Variants in RBMS1 observed in about 807,000 individuals in gnomAD.
RBMS1 encodes RNA binding motif single stranded interacting protein 1.
A neutral mutation model predicts 62.3 loss-of-function variants in RBMS1; 17 were observed. The observed-to-expected ratio is 0.27, with a 90% CI of 0.19 to 0.41. The LOEUF (loss-of-function observed/expected upper bound fraction) is 0.41. RBMS1 is among the 10% of genes least tolerant of loss of function. The probability of loss-of-function intolerance (pLI) is 1.00; values close to 1 mark genes in which losing one functional copy is unlikely to be tolerated. For missense variants in RBMS1, 334 were observed against 504.5 expected, an observed-to-expected ratio of 0.66 and a Z score of 3.24; for synonymous variants, 172 against 170.0, an observed-to-expected ratio of 1.01 and a Z score of -0.09.
intron 1 of RBMS1, among the ~76,000 whole-genome samples, chr2:160,412,342 CACA>C (rs953349121): frequency 2.6e-5 from 4 of 152,176 alleles, no homozygotes; most frequent in Non-Finnish European, 4.4e-5. Context: ...ATTTAACTTT[CACA>C]ACAACCTTTG....
chr2:160,448,984 C>T (rs2105314936), intron 1 of RBMS1, among the ~76,000 whole-genome samples: 1 of 151,820 alleles, frequency 6.6e-6, no homozygotes, highest in East Asian at 2.0e-4. Flanking sequence ...TGCCCGACCG[C>T]CACCCTGTCT....
chr2:160,458,736 G>A (rs1205161274), intron 1 of RBMS1, among the ~76,000 whole-genome samples: 2 of 151,592 alleles, frequency 1.3e-5, no homozygotes, highest in Non-Finnish European at 2.9e-5. Flanking sequence ...GGCAGAAGTT[G>A]CAGTGAGCCG....
Position 160,322,652 on chromosome 2 carries a change from T to G in RBMS1, c.252-4425A>C, listed in dbSNP as rs886366037. 3.9e-4 allele frequency among the ~76,000 whole-genome samples: 60 copies of G among 152,210 alleles called. 1 individual carries two copies. Among genetic ancestry groups the G allele is most frequent in the Non-Finnish European group, 2.1e-4 (14 of 68,034 alleles). On this transcript the variant is annotated intron_variant, in intron 2 of 13. Coordinates refer to ENST00000348849, the MANE Select transcript of RBMS1 (RefSeq NM_016836.4). ...AGGAAGCTGCTTATTTGGATTTACC[T>G]AAGGTGCTGAAGGGCTTCCCTTTCC... is the stretch of plus-strand genomic sequence containing the variant.
rs551027296 is a variant in RBMS1, at chr2:160,449,166, G to A, written c.75+44123C>T. Among the ~76,000 whole-genome samples, 1,333 of 150,192 alleles carry A rather than the reference G, an allele frequency of 8.9e-3. 31 individuals carry two copies. Among genetic ancestry groups the A allele is most frequent in the African/African-American group, 0.031 (1,261 of 40,670 alleles). On this transcript the variant is annotated intron_variant, in intron 1 of 13. Transcript: ENST00000348849. ...CCGCCCCCACTGGGAAGTGAGGAGC[G>A]TCTCCGCCGGGCAGCCGCACCGTCC...
intron 4 of RBMS1, among the ~76,000 whole-genome samples, chr2:160,311,232 C>CTATATATCTATATATCTCTA (rs1689866017): frequency 2.5e-5 from 2 of 79,256 alleles, no homozygotes; most frequent in South Asian, 9.1e-4. Context: ...ATCTATCTAT[C>CTATATATCTATATATCTCTA]TATATATATA....
intron 1 of RBMS1, 95 bp downstream of exon 1, chr2:160,493,193 CG>C (rs1460163594): frequency 3.3e-6 from 4 of 1,206,384 alleles, no homozygotes; most frequent in African/African-American, 3.0e-5. Flanking sequence ...CCGGCGGTGG[CG>C]GGGGTTCGCC....
At chr2:160,475,299 G>A (rs934160032) in intron 1 of RBMS1, among the ~76,000 whole-genome samples, 4 of 152,164 alleles carry the variant, frequency 2.6e-5, no homozygotes, top group Admixed American at 6.5e-5. Flanking sequence ...CCTGGGGGCC[G>A]ACCACAGGCC....
intron 1 of RBMS1, among the ~76,000 whole-genome samples, chr2:160,385,948 T>C (rs1694548313): frequency 1.3e-5 from 2 of 152,194 alleles, no homozygotes; most frequent in South Asian, 4.1e-4. Flanking sequence ...GGAACCTGGC[T>C]TCCAAACATG....
intron 1 of RBMS1, among the ~76,000 whole-genome samples, chr2:160,488,718 T>C (rs1165043700): frequency 6.6e-6 from 1 of 152,214 alleles, no homozygotes; most frequent in Non-Finnish European, 1.5e-5. Flanking sequence ...AACTGACAGG[T>C]CATTACTACA....
chr2:160,387,119 C>T (rs1303175235), intron 1 of RBMS1, among the ~76,000 whole-genome samples: 1 of 152,110 alleles, frequency 6.6e-6, no homozygotes, highest in African/African-American at 2.4e-5. Context: ...AAGACTGTCC[C>T]CACCCCTTGA....
intron 4 of RBMS1, among the ~76,000 whole-genome samples, chr2:160,305,807 GAGATATGGTATAAAAAA>G (rs1559352414): frequency 2.3e-4 from 35 of 152,220 alleles, no homozygotes; most frequent in African/African-American, 6.3e-4. Flanking sequence ...TCTTTGGACA[GAGATATGGTATAAAAAA>G]TGTTACAGAA....
intron 1 of RBMS1, chr2:160,407,326 G>C (rs1444579775): frequency 2.0e-6 from 2 of 983,996 alleles, no homozygotes; most frequent in Non-Finnish European, 2.4e-6. Context: ...CGGCCGAGCA[G>C]TCCCCGCGGC....
At chr2:160,352,244 GTGCAA>G (rs1364320701) in intron 2 of RBMS1, among the ~76,000 whole-genome samples, 3 of 152,072 alleles carry the variant, frequency 2.0e-5, no homozygotes, top group Non-Finnish European at 4.4e-5. Context: ...CATACTCTAT[GTGCAA>G]TGCACGGTCA....
intron 1 of RBMS1, among the ~76,000 whole-genome samples, chr2:160,424,889 G>A (rs940823904): frequency 6.6e-5 from 10 of 152,010 alleles, no homozygotes; most frequent in Non-Finnish European, 1.5e-4. Flanking sequence ...CAATAGGAAG[G>A]TGGGGGATTT....
intron 1 of RBMS1, among the ~76,000 whole-genome samples, chr2:160,442,344 T>TC (rs1338475684): frequency 3.7e-5 from 4 of 109,394 alleles, no homozygotes; most frequent in African/African-American, 1.1e-4. Context: ...GTATAAAATT[T>TC]CATTTTTTTC....
chr2:160,285,791 A>AT (rs1245032042), intron 7 of RBMS1, among the ~76,000 whole-genome samples: 3 of 152,032 alleles, frequency 2.0e-5, no homozygotes, highest in African/African-American at 7.2e-5. Flanking sequence ...CCTGGGCAAC[A>AT]TAGTTAGATC....
At chr2:160,420,642 A>G (rs1023956618) in intron 1 of RBMS1, among the ~76,000 whole-genome samples, 2 of 152,136 alleles carry the variant, frequency 1.3e-5, no homozygotes, top group Non-Finnish European at 2.9e-5. Context: ...CCTCCTTTCC[A>G]GTCCAGCTCA....
chr2:160,320,633 C>A (rs145614710), intron 2 of RBMS1, among the ~76,000 whole-genome samples: 9 of 152,012 alleles, frequency 5.9e-5, no homozygotes, highest in Admixed American at 5.9e-4. Flanking sequence ...AGCCTGGTAC[C>A]TCCTCCTCTG....
intron 2 of RBMS1, among the ~76,000 whole-genome samples, chr2:160,348,005 G>A (rs557534556): frequency 5.3e-4 from 80 of 152,064 alleles, no homozygotes; most frequent in Middle Eastern, 3.4e-3. Context: ...TGGTATTTCC[G>A]AGCTTTGACC....
Sources: gnomAD v4.1 joint callset for allele counts (sites outside exome capture counted in the v4.1 genomes callset) on GRCh38, gnomAD v4.1.1 for gene constraint, MANE v1.5 for transcripts, NCBI Gene and HGNC (gene_info 2026-07-23, HGNC 2026-07-21) for gene names.